The following CPEB3 variants were observed in gnomAD, a reference collection of about 807,000 sequenced individuals.
The protein encoded by CPEB3 is cytoplasmic polyadenylation element-binding protein 3.
A neutral mutation model predicts 67.2 loss-of-function variants in CPEB3; 20 were observed. The observed-to-expected ratio is 0.30, with a 90% CI of 0.21 to 0.43. The LOEUF (loss-of-function observed/expected upper bound fraction) is 0.43, where lower values mean the gene tolerates loss of function less well. Ranked by LOEUF, CPEB3 falls within the 20% of genes least tolerant of loss-of-function variation. The pLI is 1.00. For synonymous variants in CPEB3, 376 were observed against 393.1 expected (o/e 0.96, Z 0.51); for missense variants, 746 against 968.6 (o/e 0.77, Z 3.05).
At chr10:92,073,319 G>A (rs1842821517) in intron 9 of CPEB3, among the ~76,000 whole-genome samples, 1 of 151,786 alleles carries the variant, frequency 6.6e-6, no homozygotes, top group Admixed American at 6.6e-5. Context: ...GATTACAGGT[G>A]TGAGCCAGTG....
chr10:92,076,053 C>T (rs1268289251), intron 9 of CPEB3, among the ~76,000 whole-genome samples: 1 of 152,216 alleles, frequency 6.6e-6, no homozygotes, highest in African/African-American at 2.4e-5. Flanking sequence ...GGCATTGCTG[C>T]TCTGCAGGTG....
intron 1 of CPEB3, among the ~76,000 whole-genome samples, chr10:92,289,170 A>G (rs1292963052): frequency 1.3e-5 from 2 of 152,182 alleles, no homozygotes; most frequent in Non-Finnish European, 2.9e-5. Context: ...CTGAACCCGG[A>G]GGAGGAGACT....
chr10:92,184,552 C>T (rs766134625), intron 3 of CPEB3, among the ~76,000 whole-genome samples: 6 of 152,094 alleles, frequency 3.9e-5, no homozygotes, highest in Non-Finnish European at 7.4e-5. Flanking sequence ...TTGCAGTGAG[C>T]CGAGATCGTG....
In CPEB3 at chr10:92,144,941, G is replaced by A; in HGVS notation, c.1363+4C>T. Reference sequence around the variant, plus strand: ...TTGCAAAATCATTAATGAATGCATAGTACCTTCATCAATATCAGGAGGAAG... The same window carrying A: ...TTGCAAAATCATTAATGAATGCATAATACCTTCATCAATATCAGGAGGAAG... On this transcript the variant is annotated splice_donor_region_variant and intron_variant, in intron 5 of 9. Coordinates refer to ENST00000265997, the MANE Select transcript of CPEB3 (RefSeq NM_014912.5). 6.2e-7 allele frequency: 1 copy of A among 1,613,180 alleles called. No individual in the cohort carries two copies. Among genetic ancestry groups the A allele is most frequent in the Non-Finnish European group, 8.5e-7 (1 of 1,179,346 alleles).
At chr10:92,182,591 C>T (rs1848506052) in intron 3 of CPEB3, among the ~76,000 whole-genome samples, 2 of 152,074 alleles carry the variant, frequency 1.3e-5, no homozygotes, top group Admixed American at 1.3e-4. Flanking sequence ...TTTGGGAAGC[C>T]GAGGAGGGCA....
rs554064387 is a variant in CPEB3, at chr10:92,120,308, G to A, written c.1454-9114C>T. On this transcript the variant is annotated intron_variant, in intron 6 of 9. Transcript: ENST00000265997. Reference sequence around the variant, plus strand: ...AACAAAAAACCAAATTGCTAGGCCGGGCACGGTGGCTCACACCTGTAATCC... The same window carrying A: ...AACAAAAAACCAAATTGCTAGGCCGAGCACGGTGGCTCACACCTGTAATCC... Among the ~76,000 whole-genome samples the A allele has an allele frequency of 7.7e-4, 116 of 151,604 alleles. 1 individual carries two copies. Among genetic ancestry groups the A allele is most frequent in the African/African-American group, 2.7e-3 (110 of 41,260 alleles).
intron 7 of CPEB3, among the ~76,000 whole-genome samples, chr10:92,104,956 A>G (rs1844373239): frequency 6.6e-6 from 1 of 151,808 alleles, no homozygotes; most frequent in South Asian, 2.1e-4. Context: ...GCTGGAGTGC[A>G]CTGGTGTGAT....
At chr10:92,127,519 A>T (rs997758249) in intron 6 of CPEB3, among the ~76,000 whole-genome samples, 2 of 152,100 alleles carry the variant, frequency 1.3e-5, no homozygotes, top group Non-Finnish European at 2.9e-5. Context: ...TCTACTAAAA[A>T]ATCCTAAAAA....
chr10:92,061,783 A>G (rs1842365008), intron 9 of CPEB3, among the ~76,000 whole-genome samples: 1 of 152,234 alleles, frequency 6.6e-6, no homozygotes, highest in Non-Finnish European at 1.5e-5. Flanking sequence ...CAACAGGGTG[A>G]CTATAGTCAA....
At chr10:92,260,907 C>T (rs775691790) in intron 1 of CPEB3, among the ~76,000 whole-genome samples, 1 of 152,162 alleles carries the variant, frequency 6.6e-6, no homozygotes, top group Non-Finnish European at 1.5e-5. Context: ...CTGCGCCTGG[C>T]CAATTGACTG....
At chr10:92,235,127 A>G (rs1297621456) in intron 2 of CPEB3, among the ~76,000 whole-genome samples, 1 of 152,188 alleles carries the variant, frequency 6.6e-6, no homozygotes, top group Admixed American at 6.5e-5. Context: ...ATCAGACAGG[A>G]AAAAAGAACA....
intron 3 of CPEB3, among the ~76,000 whole-genome samples, chr10:92,189,757 G>T: frequency 7.9e-6 from 1 of 127,022 alleles, no homozygotes; most frequent in Non-Finnish European, 1.6e-5. Flanking sequence ...TCGCCAGGCT[G>T]CAGTACAGTG....
chr10:92,270,580 T>G (rs1315331537), intron 1 of CPEB3, among the ~76,000 whole-genome samples: 1 of 137,086 alleles, frequency 7.3e-6, no homozygotes, highest in Non-Finnish European at 1.6e-5. Flanking sequence ...TTTTTTTTTT[T>G]GACACAGGTT....
intron 7 of CPEB3, among the ~76,000 whole-genome samples, chr10:92,106,073 A>C (rs1370989424): frequency 1.3e-5 from 2 of 151,858 alleles, no homozygotes; most frequent in East Asian, 3.9e-4. Flanking sequence ...TTGTATTTTT[A>C]ATAGAGACAG....
At chr10:92,125,322 T>A (rs1845561847) in intron 6 of CPEB3, among the ~76,000 whole-genome samples, 1 of 152,222 alleles carries the variant, frequency 6.6e-6, no homozygotes, top group South Asian at 2.1e-4. Context: ...ACTGCCAGCA[T>A]CATTGGCTTC....
chr10:92,059,396 T>C lies in CPEB3; in HGVS notation c.1870-6957A>G, dbSNP rs1842252526. Among the ~76,000 whole-genome samples, 2 of 149,084 alleles carry C rather than the reference T, an allele frequency of 1.3e-5. 1 individual carries two copies. Among genetic ancestry groups the C allele is most frequent in the South Asian group, 4.2e-4 (2 of 4,748 alleles). ...TGCTCCTGAATGACCAGTGGGTCAA[T>C]GAAGAAATTAAGAAGGAAACTGAAA... On this transcript the variant is annotated intron_variant, in intron 9 of 9. Transcript: ENST00000265997.
chr10:92,235,393 C>A (rs1335718507), intron 2 of CPEB3, among the ~76,000 whole-genome samples: 3 of 151,826 alleles, frequency 2.0e-5, no homozygotes, highest in Non-Finnish European at 4.4e-5. Context: ...CTGCAGTGAG[C>A]CAACATAACA....
intron 3 of CPEB3, among the ~76,000 whole-genome samples, chr10:92,191,805 A>AT (rs1848997863): frequency 6.6e-6 from 1 of 152,258 alleles, no homozygotes; most frequent in Admixed American, 6.5e-5. Flanking sequence ...CCTATAACCC[A>AT]TAAAAAGAAC....
At chr10:92,229,342 A>C (rs920315045) in intron 2 of CPEB3, among the ~76,000 whole-genome samples, 1 of 152,144 alleles carries the variant, frequency 6.6e-6, no homozygotes. Flanking sequence ...CCTTCTCCTT[A>C]ATATTTCTAA....
Sources: gnomAD v4.1 joint callset for allele counts (sites outside exome capture counted in the v4.1 genomes callset) on GRCh38, gnomAD v4.1.1 for gene constraint, MANE v1.5 for transcripts, NCBI Gene and HGNC (gene_info 2026-07-23, HGNC 2026-07-21) for gene names.